Variants in SPATA7 observed in about 807,000 individuals in gnomAD.
SPATA7 encodes spermatogenesis-associated protein 7.
SPATA7 carries 43 observed loss-of-function variants against 51.8 expected under a neutral mutation model. The observed-to-expected ratio is 0.83, with a 90% CI of 0.65 to 1.07. The LOEUF is 1.07. SPATA7 is among the 50% of genes least tolerant of loss of function. The pLI is 0.00. For missense variants in SPATA7, 683 were observed against 701.3 expected (o/e 0.97, Z 0.30); for synonymous variants, 230 against 252.8 (o/e 0.91, Z 0.86).
At chr14:88,434,696 A>C (rs1307848363) in intron 10 of SPATA7, among the ~76,000 whole-genome samples, 1 of 151,900 alleles carries the variant, frequency 6.6e-6, no homozygotes, top group Admixed American at 6.5e-5. Flanking sequence ...AGAAAAAAAA[A>C]AAAAAAGAAA....
At chr14:88,433,272 C>A in intron 10 of SPATA7, 60 bp downstream of exon 10, 1 of 1,160,826 alleles carries the variant, frequency 8.6e-7, no homozygotes, top group Non-Finnish European at 1.3e-6. Context: ...CTTCATATTT[C>A]TTCATATGAT....
chr14:88,450,681 G>A (rs895868201), intron 3 of SPATA7, among the ~76,000 whole-genome samples: 5 of 152,120 alleles, frequency 3.3e-5, no homozygotes, highest in Admixed American at 6.5e-5. Flanking sequence ...AATCTGATAG[G>A]TTATCTTTTA....
intron 4 of SPATA7, among the ~76,000 whole-genome samples, chr14:88,415,471 A>T (rs1431551166): frequency 6.7e-6 from 1 of 150,058 alleles, no homozygotes; most frequent in Non-Finnish European, 1.5e-5. Flanking sequence ...TGAAGATAGT[A>T]GAAGGTTGGG....
intron 4 of SPATA7, chr14:88,416,304 TAAC>T (rs1193299905): frequency 6.0e-6 from 1 of 166,350 alleles, no homozygotes; most frequent in Non-Finnish European, 1.3e-5. Context: ...TAGTCATAAA[TAAC>T]ATGGTTAAGC....
chr14:88,385,929 GC>G, intron 1 of SPATA7, 92 bp downstream of exon 1: 1 of 1,395,762 alleles, frequency 7.2e-7, no homozygotes. Flanking sequence ...GTGCAAGGCC[GC>G]CCCTTGGGGC....
Position 88,447,158 on chromosome 14 carries a change from C to T in SPATA7, c.178-7902C>T, listed in dbSNP as rs2077219645. On this transcript the variant is annotated intron_variant, in intron 3 of 3. Transcript: ENST00000554802. Reference sequence around the variant, plus strand: ...GTCACTCAGGACTTGCTTTATGAATCTGGGTGCTCCTGTATTGGGTGCATA... The same window carrying T: ...GTCACTCAGGACTTGCTTTATGAATTTGGGTGCTCCTGTATTGGGTGCATA... Among the ~76,000 whole-genome samples the T allele has an allele frequency of 2.7e-5, 4 of 149,392 alleles. No individual in the cohort carries two copies. The South Asian group carries it at 8.6e-4, about 32-fold the overall frequency.
At chr14:88,459,439 G>C (rs981780503), downstream of SPATA7, among the ~76,000 whole-genome samples, 6 of 152,176 alleles carry the variant, frequency 3.9e-5, no homozygotes, top group Non-Finnish European at 8.8e-5. Context: ...AGGATAATTA[G>C]CTCTTCTTGT....
chr14:88,413,038 T>G (rs1278421608), intron 4 of SPATA7, among the ~76,000 whole-genome samples: 1 of 152,162 alleles, frequency 6.6e-6, no homozygotes, highest in Non-Finnish European at 1.5e-5. Context: ...GGACTGCTCT[T>G]TTTTGGTTCC....
chr14:88,390,655 T>G (rs1230250596), intron 1 of SPATA7, among the ~76,000 whole-genome samples: 1 of 152,070 alleles, frequency 6.6e-6, no homozygotes, highest in Non-Finnish European at 1.5e-5. Flanking sequence ...GGGCTAAGAG[T>G]AAGGGAAGAG....
chr14:88,445,185 T>G (rs1231584109), intron 3 of SPATA7, among the ~76,000 whole-genome samples: 1 of 151,480 alleles, frequency 6.6e-6, no homozygotes, highest in African/African-American at 2.4e-5. Flanking sequence ...TAGTTCTCCT[T>G]GAAGAGGTCC....
intron 4 of SPATA7, chr14:88,468,926 T>G: frequency 1.2e-6 from 2 of 1,614,148 alleles, no homozygotes; most frequent in Non-Finnish European, 1.7e-6. Flanking sequence ...CTCATTGTGT[T>G]CCAGGCAGGC....
chr14:88,397,812 T>C (rs766039676), intron 4 of SPATA7, among the ~76,000 whole-genome samples: 5 of 152,158 alleles, frequency 3.3e-5, no homozygotes, highest in Non-Finnish European at 7.3e-5. Context: ...ACCTTTGTTT[T>C]TGATTTCAAT....
At chr14:88,416,134 C>T (rs1281783811) in intron 4 of SPATA7, 1 of 152,570 alleles carries the variant, frequency 6.6e-6, no homozygotes, top group Non-Finnish European at 1.5e-5. Context: ...GCCAATTAAA[C>T]TTCTTACCTT....
At chr14:88,395,947 A>G (rs1004909473) in intron 3 of SPATA7, among the ~76,000 whole-genome samples, 7 of 152,076 alleles carry the variant, frequency 4.6e-5, no homozygotes, top group Non-Finnish European at 7.4e-5. Context: ...TTATATTGCT[A>G]TGTCTTCAAG....
At chr14:88,391,599 C>T (rs577044904) in intron 2 of SPATA7, 144 bp downstream of exon 2, 69 of 747,268 alleles carry the variant, frequency 9.2e-5, no homozygotes, top group South Asian at 7.6e-4. Flanking sequence ...GAAATATAGG[C>T]GTTCTTGAGA....
intron 10 of SPATA7, among the ~76,000 whole-genome samples, chr14:88,435,105 G>T (rs1410650982): frequency 3.3e-5 from 5 of 152,156 alleles, no homozygotes; most frequent in Non-Finnish European, 5.9e-5. Flanking sequence ...TCATCTTAGA[G>T]ATGTGGCTTT....
In SPATA7 at chr14:88,469,106, C is replaced by T. The variant is rs755925226; in HGVS notation, c.255-741C>T. The stretch of plus-strand genomic sequence containing the variant: ...GGAAAATCAATGAAATAGAAAAGTA[C>T]TCAAGGATCAAGGCGTATCACATTG... On this transcript the variant is annotated intron_variant, in intron 4 of 4. Transcript: ENST00000556406. The surrounding 1 kb of genome is among the most constrained non-coding windows in gnomAD (Gnocchi z 4.3). 1.9e-6 allele frequency: 3 copies of T among 1,595,364 alleles called. No individual in the cohort carries two copies. The highest frequency in any genetic ancestry group is 2.6e-6 in the Non-Finnish European group (3 of 1,166,706).
At chr14:88,393,829 TTTAA>T (rs2075809238) in intron 3 of SPATA7, among the ~76,000 whole-genome samples, 1 of 152,206 alleles carries the variant, frequency 6.6e-6, no homozygotes. Flanking sequence ...TATTTTTCTG[TTTAA>T]TTTTTTTCTT....
intron 4 of SPATA7, among the ~76,000 whole-genome samples, chr14:88,460,463 C>A (rs533689278): frequency 1.8e-3 from 277 of 152,254 alleles, no homozygotes; most frequent in Middle Eastern, 6.8e-3. Context: ...TTCATTTGAT[C>A]TTCAATCACT....
Sources: allele counts gnomAD v4.1 joint callset (sites outside exome capture counted in the v4.1 genomes callset), GRCh38; gene constraint gnomAD v4.1.1; non-coding constraint Gnocchi (gnomAD v3.1); transcripts MANE v1.5; gene names NCBI Gene and HGNC (gene_info 2026-07-23, HGNC 2026-07-21).